Variants in FRMD5 observed in about 807,000 individuals in gnomAD.
FRMD5 encodes FERM domain containing 5.
Under a neutral mutation model 69.0 loss-of-function variants are expected in FRMD5, and 20 were observed. The observed-to-expected ratio is 0.29, with a 90% confidence interval of 0.20 to 0.42. FRMD5 has a LOEUF of 0.42. Among genes scored for constraint, FRMD5 ranks in the 10% least tolerant of loss-of-function variants. The pLI is 1.00. For synonymous variants in FRMD5, 271 were observed against 260.1 expected (o/e 1.04, Z -0.40); for missense variants, 595 against 708.6 (o/e 0.84, Z 1.82).
chr15:44,007,302 A>C (rs2140196747), intron 1 of FRMD5, among the ~76,000 whole-genome samples: 1 of 152,328 alleles, frequency 6.6e-6, no homozygotes, highest in Admixed American at 6.5e-5. Flanking sequence ...GGGAAACCAA[A>C]AAATCTGTGA....
At chr15:44,024,134 T>C (rs1891329836) in intron 1 of FRMD5, among the ~76,000 whole-genome samples, 1 of 152,208 alleles carries the variant, frequency 6.6e-6, no homozygotes, top group African/African-American at 2.4e-5. Flanking sequence ...TCTTTTGTTT[T>C]ACATTATTAA....
chr15:44,022,773 G>A (rs191168320), intron 1 of FRMD5, among the ~76,000 whole-genome samples: 2 of 152,198 alleles, frequency 1.3e-5, no homozygotes, highest in African/African-American at 4.8e-5. Context: ...AAAGAGACTT[G>A]CTCAGGGACA....
At chr15:43,998,746 A>T (rs1890049670) in intron 1 of FRMD5, among the ~76,000 whole-genome samples, 1 of 152,226 alleles carries the variant, frequency 6.6e-6, no homozygotes, top group African/African-American at 2.4e-5. Flanking sequence ...CAGGAAATTG[A>T]TGAGATAAGC....
chr15:44,166,829 A>T (rs2077718516), intron 1 of FRMD5, among the ~76,000 whole-genome samples: 1 of 150,860 alleles, frequency 6.6e-6, no homozygotes, highest in African/African-American at 2.4e-5. Flanking sequence ...TTGTGCAAAG[A>T]TTAAAAAATA....
At chr15:44,080,185 C>G (rs1162290292) in intron 1 of FRMD5, among the ~76,000 whole-genome samples, 1 of 152,026 alleles carries the variant, frequency 6.6e-6, no homozygotes, top group Non-Finnish European at 1.5e-5. Context: ...AACTTTTTAT[C>G]TCCTTTAATT....
chr15:43,912,863 CA>C (rs566290726), intron 4 of FRMD5, among the ~76,000 whole-genome samples: 17,887 of 99,458 alleles, frequency 0.18, 2,447 homozygotes, highest in African/African-American at 0.4. Flanking sequence ...ACTAAAAATA[CA>C]AAAAAAAAAA....
At chr15:43,887,602 C>A (rs527882427) in intron 10 of FRMD5, among the ~76,000 whole-genome samples, 3 of 152,204 alleles carry the variant, frequency 2.0e-5, no homozygotes, top group Non-Finnish European at 2.9e-5. Context: ...ACTGGGAGGA[C>A]CCAGTTCTGC....
At chr15:44,070,759 T>A (rs1036061807) in intron 1 of FRMD5, among the ~76,000 whole-genome samples, 3 of 152,190 alleles carry the variant, frequency 2.0e-5, no homozygotes, top group Admixed American at 6.5e-5. Context: ...TAACATCCTA[T>A]CCAACCTTTA....
intron 1 of FRMD5, chr15:44,063,896 C>T: frequency 3.7e-6 from 1 of 271,816 alleles, no homozygotes; most frequent in Non-Finnish European, 7.2e-6. Flanking sequence ...GTCGACGTCC[C>T]CATGTTTGTA....
At chr15:44,026,419 T>A (rs1891431668) in intron 1 of FRMD5, among the ~76,000 whole-genome samples, 1 of 152,246 alleles carries the variant, frequency 6.6e-6, no homozygotes. Context: ...CTAGATTAAC[T>A]ATTACTGTAT....
intron 1 of FRMD5, among the ~76,000 whole-genome samples, chr15:44,026,446 A>C (rs1173131379): frequency 2.6e-5 from 4 of 152,184 alleles, no homozygotes; most frequent in Admixed American, 6.5e-5. Context: ...TGTTCTATCT[A>C]GTTTTTTTCC....
intron 1 of FRMD5, among the ~76,000 whole-genome samples, chr15:43,940,117 C>T (rs960037646): frequency 1.1e-4 from 17 of 152,140 alleles, no homozygotes; most frequent in African/African-American, 2.9e-4. Flanking sequence ...GCAGAGGTTG[C>T]GGTGAACCCA....
At chr15:43,940,231 A>G (rs921215491) in intron 1 of FRMD5, among the ~76,000 whole-genome samples, 23 of 152,206 alleles carry the variant, frequency 1.5e-4, no homozygotes, top group African/African-American at 5.5e-4. Context: ...GTGGCATCAG[A>G]CTGTGCAAGA....
intron 13 of FRMD5, among the ~76,000 whole-genome samples, chr15:43,877,633 C>T (rs528923568): frequency 1.3e-5 from 2 of 152,244 alleles, no homozygotes; most frequent in African/African-American, 2.4e-5. Context: ...CATTGCGTCA[C>T]GGCTCATATA....
chr15:44,044,393 C>CA (rs1464803514), intron 1 of FRMD5, among the ~76,000 whole-genome samples: 2 of 152,146 alleles, frequency 1.3e-5, no homozygotes, highest in Non-Finnish European at 2.9e-5. Flanking sequence ...ACTAGAAATA[C>CA]AATTTGACCC....
chr15:43,895,870 A>G (rs1340547434), intron 7 of FRMD5, among the ~76,000 whole-genome samples: 1 of 152,206 alleles, frequency 6.6e-6, no homozygotes, highest in Non-Finnish European at 1.5e-5. Context: ...CTTCCCTGGA[A>G]CTTCTCCAGA....
intron 1 of FRMD5, among the ~76,000 whole-genome samples, chr15:44,154,352 G>C (rs1475022860): frequency 6.6e-6 from 1 of 151,466 alleles, no homozygotes; most frequent in Admixed American, 6.6e-5. Context: ...AAAAAACCTT[G>C]GGAAAAAACT....
At chr15:44,111,143 T>C (rs1422416477) in intron 1 of FRMD5, among the ~76,000 whole-genome samples, 4 of 152,202 alleles carry the variant, frequency 2.6e-5, no homozygotes, top group Non-Finnish European at 4.4e-5. Flanking sequence ...CATGTATACA[T>C]ATATATGTAA....
At chr15:44,170,776 G>A (rs1201452049) in intron 1 of FRMD5, among the ~76,000 whole-genome samples, 3 of 151,978 alleles carry the variant, frequency 2.0e-5, no homozygotes, top group Admixed American at 6.6e-5. Context: ...TCCACAAGGC[G>A]TTACCTTACC....
Sources: gnomAD v4.1 joint callset for allele counts (sites outside exome capture counted in the v4.1 genomes callset) on GRCh38, gnomAD v4.1.1 for gene constraint, MANE v1.5 for transcripts, NCBI Gene and HGNC (gene_info 2026-07-23, HGNC 2026-07-21) for gene names.